The following NIBAN2 variants were observed in gnomAD, a reference collection of about 807,000 sequenced individuals.
NIBAN2 encodes the protein niban apoptosis regulator 2.
Under a neutral mutation model 81.8 loss-of-function variants are expected in NIBAN2, and 36 were observed. That is an observed-to-expected ratio of 0.44 (90% CI 0.34 to 0.58). The LOEUF (loss-of-function observed/expected upper bound fraction) is 0.58. NIBAN2 is among the 20% of genes least tolerant of loss of function. The pLI, the probability that NIBAN2 is intolerant of heterozygous loss-of-function variation, is 0.02. For missense variants in NIBAN2, 897 were observed against 1,014.1 expected (o/e 0.88, Z 1.57); for synonymous variants, 445 against 441.6 (o/e 1.01, Z -0.10).
Position 127,508,296 on chromosome 9 carries a change from T to A in NIBAN2, c.1435-96A>T, listed in dbSNP as rs1588149684. 2 of 1,324,832 alleles carry A rather than the reference T, an allele frequency of 1.5e-6. No individual in the cohort carries two copies. The highest frequency in any genetic ancestry group is 4.6e-5 in the East Asian group (2 of 43,314). 82.1% of individuals were successfully genotyped at this position (1,324,832 alleles called of 1,614,324 possible). ...CAGTGGTCTGACCCAAGCCTCCGAG[T>A]CCTCATCCGCACAAGAGGACCATGG... On this transcript the variant is annotated intron_variant, in intron 11 of 13. Coordinates refer to ENST00000373312, the MANE Select transcript of NIBAN2 (RefSeq NM_022833.4). The surrounding 1 kb of genome is among the most constrained non-coding windows in gnomAD (Gnocchi z 6.4).
At chr9:127,554,932 AAAAAAAC>A (rs758429949) in intron 1 of NIBAN2, among the ~76,000 whole-genome samples, 129 of 152,246 alleles carry the variant, frequency 8.5e-4, no homozygotes, top group African/African-American at 2.8e-3. Flanking sequence ...CACTCACTGT[AAAAAAAC>A]AAAAAACAAA....
At chr9:127,556,937 T>C (rs1020700469) in intron 1 of NIBAN2, among the ~76,000 whole-genome samples, 1 of 152,110 alleles carries the variant, frequency 6.6e-6, no homozygotes, top group African/African-American at 2.4e-5. Flanking sequence ...ATTAGCCCCA[T>C]GTGGTGGTGC....
At chr9:127,564,517 CAG>C (rs1340872900) in intron 1 of NIBAN2, among the ~76,000 whole-genome samples, 4 of 152,078 alleles carry the variant, frequency 2.6e-5, no homozygotes, top group Non-Finnish European at 5.9e-5. Flanking sequence ...TGTTCTGACA[CAG>C]AAAGATGTCC....
chr9:127,508,997 T>C lies in NIBAN2; in HGVS notation c.1296A>G (p.Arg432=). Residue 432 remains arginine, a synonymous_variant, in exon 10 of 14, where the codon CGA becomes CGG. Coordinates refer to ENST00000373312, the MANE Select transcript of NIBAN2 (RefSeq NM_022833.4). This position sits in a 1 kb window ranked among gnomAD's most constrained non-coding sequence, Gnocchi z 6.4. The part of the protein sequence containing the change: ...DVSSTSVFKQ[R]AQIHMREQMD... ...CTACCTCCCGCATGTGGATCTGGGCTCGCTGCTTGAACACGGACGTGCTGG... is the reference window on the plus strand; with the variant it reads ...CTACCTCCCGCATGTGGATCTGGGCCCGCTGCTTGAACACGGACGTGCTGG... 6.2e-7 allele frequency: 1 copy of C among 1,613,828 alleles called. No homozygotes were observed. The highest frequency in any genetic ancestry group is 8.5e-7 in the Non-Finnish European group (1 of 1,179,978).
chr9:127,572,939 T>G (rs532541485), upstream of NIBAN2, among the ~76,000 whole-genome samples: 1 of 152,122 alleles, frequency 6.6e-6, no homozygotes, highest in South Asian at 2.1e-4. Flanking sequence ...TCCCAGCTAC[T>G]AGGAGGCCAA....
chr9:127,578,116 G>C (rs140697543), intron 1 of NIBAN2, among the ~76,000 whole-genome samples: 4,112 of 151,552 alleles, frequency 0.027, 149 homozygotes, highest in African/African-American at 0.078. Flanking sequence ...ACTTGTATCT[G>C]GGAGGCGGAG....
rs1836664734 is a variant in NIBAN2, at chr9:127,508,618, C to G, written c.1318-80G>C. On this transcript the variant is annotated intron_variant, in intron 10 of 13. Coordinates refer to ENST00000373312, the MANE Select transcript of NIBAN2 (RefSeq NM_022833.4). The surrounding 1 kb of genome is among the most constrained non-coding windows in gnomAD (Gnocchi z 6.4). Reference sequence around the variant, plus strand: ...TGGGTGCCGCTGAGGGGTCCTCATCCTCAACCAGCCCCCCACCCCGAGGCC... The same window carrying G: ...TGGGTGCCGCTGAGGGGTCCTCATCGTCAACCAGCCCCCCACCCCGAGGCC... 8.4e-7 allele frequency: 1 copy of G among 1,184,648 alleles called. No individual in the cohort carries two copies. Among genetic ancestry groups the G allele is most frequent in the South Asian group, 1.2e-5 (1 of 82,006 alleles). The allele number at this position is 1,184,648 out of a possible 1,614,324, so 73.4% of individuals were successfully genotyped here. A position where few individuals can be genotyped will look rare whatever the true frequency, so the allele number is the denominator to read the frequency against.
At chr9:127,522,084 G>A (rs1836955120) in intron 5 of NIBAN2, among the ~76,000 whole-genome samples, 1 of 152,236 alleles carries the variant, frequency 6.6e-6, no homozygotes, top group Non-Finnish European at 1.5e-5. Flanking sequence ...TGGGGAGGCG[G>A]GAGGGCCCTG....
chr9:127,543,971 C>T (rs903264748), intron 1 of NIBAN2, among the ~76,000 whole-genome samples: 1 of 152,220 alleles, frequency 6.6e-6, no homozygotes, highest in African/African-American at 2.4e-5. Context: ...CTGCCAAACC[C>T]ACTTTATGGA....
chr9:127,568,298 C>T (rs1017589094), intron 1 of NIBAN2, among the ~76,000 whole-genome samples: 2 of 152,202 alleles, frequency 1.3e-5, no homozygotes, highest in African/African-American at 4.8e-5. Flanking sequence ...TGGCCCCACT[C>T]CCCAGAATCA....
intron 1 of NIBAN2, among the ~76,000 whole-genome samples, chr9:127,578,685 G>GA (rs1554771289): frequency 1.3e-5 from 2 of 151,212 alleles, no homozygotes; most frequent in East Asian, 3.9e-4. Flanking sequence ...AAAAAGAAAA[G>GA]AAAAGAAAAA....
chr9:127,525,614 G>A (rs925110551), intron 3 of NIBAN2, among the ~76,000 whole-genome samples: 5 of 152,168 alleles, frequency 3.3e-5, no homozygotes, highest in African/African-American at 2.4e-5. Flanking sequence ...GAGCTTGGCC[G>A]AGGTTGTTGT....
At chr9:127,512,083 C>T (rs1004316651) in intron 8 of NIBAN2, among the ~76,000 whole-genome samples, 9 of 152,162 alleles carry the variant, frequency 5.9e-5, no homozygotes, top group African/African-American at 1.7e-4. Flanking sequence ...ACCCACCTCC[C>T]GTTCTATTCA....
chr9:127,516,969 G>A lies in NIBAN2; in HGVS notation c.861C>T (p.Phe287=), dbSNP rs756382989. 1.7e-5 allele frequency: 28 copies of A among 1,613,936 alleles called. No homozygotes were observed. In the African/African-American group the frequency reaches 1.7e-4, roughly 10 times the overall value. The part of the protein sequence containing the change: ...HMVYEQAKAR[F]EEVLSKVQQV... ...GCTGCACCTTGGACAGCACCTCCTC[G>A]AAGCGCGCCTTGGCCTGCTCGTACA... Residue 287 remains phenylalanine, a synonymous_variant, in exon 8 of 14, where the codon TTC becomes TTT. Coordinates refer to ENST00000373312, the MANE Select transcript of NIBAN2 (RefSeq NM_022833.4).
chr9:127,576,884 G>A (rs1405223864), intron 1 of NIBAN2, among the ~76,000 whole-genome samples: 1 of 151,530 alleles, frequency 6.6e-6, no homozygotes, highest in Non-Finnish European at 1.5e-5. Context: ...GTAGAGACGG[G>A]GTTTCACCAT....
Position 127,563,526 on chromosome 9 carries a change from A to ATTT in NIBAN2, c.55+5291_55+5293dup, listed in dbSNP as rs576435438. On this transcript the variant is annotated intron_variant, in intron 1 of 13. Coordinates refer to ENST00000373312, the MANE Select transcript of NIBAN2 (RefSeq NM_022833.4). This position sits in a 1 kb window ranked among gnomAD's most constrained non-coding sequence, Gnocchi z 4.1. ...CCACTTCCCAAATGTTGAGAGGTAG[A>ATTT]TTTTTTTTTTTTTTGAGACAGAGTC... Among the ~76,000 whole-genome samples, 12 of 146,490 alleles carry ATTT rather than the reference A, an allele frequency of 8.2e-5. No homozygotes were observed. Among genetic ancestry groups the ATTT allele is most frequent in the Non-Finnish European group, 1.4e-4 (9 of 66,336 alleles).
intron 1 of NIBAN2, among the ~76,000 whole-genome samples, chr9:127,577,537 C>G (rs529241628): frequency 1.4e-5 from 2 of 145,800 alleles, no homozygotes; most frequent in South Asian, 4.6e-4. Flanking sequence ...CTTCCCACAC[C>G]ATCCTCCAGA....
At chr9:127,509,158 G>A (rs778548135) in intron 9 of NIBAN2, 27 bp from the exon 10 acceptor site, 5 of 1,590,534 alleles carry the variant, frequency 3.1e-6, no homozygotes, top group Non-Finnish European at 4.3e-6. Flanking sequence ...CGCGGGGGCT[G>A]AGCAGGGCCG....
At chr9:127,569,082 C>T (rs1407705408), upstream of NIBAN2, 15 of 1,053,984 alleles carry the variant, frequency 1.4e-5, no homozygotes, top group Non-Finnish European at 1.5e-5. Flanking sequence ...TTGGCCCCCT[C>T]CCTGCCCTCG....
Sources: allele counts gnomAD v4.1 joint callset (sites outside exome capture counted in the v4.1 genomes callset), GRCh38; gene constraint gnomAD v4.1.1; non-coding constraint Gnocchi (gnomAD v3.1); transcripts MANE v1.5; gene names NCBI Gene and HGNC (gene_info 2026-07-23, HGNC 2026-07-21).